The following NCEH1 variants were observed in gnomAD, a reference collection of about 807,000 sequenced individuals.
NCEH1 encodes 2-acetyl MAGE hydrolase.
NCEH1 carries 9 observed loss-of-function variants against 25.4 expected under a neutral mutation model. The observed-to-expected ratio is 0.35, with a 90% confidence interval of 0.21 to 0.62. The LOEUF (loss-of-function observed/expected upper bound fraction) is 0.62, where lower values mean the gene tolerates loss of function less well. Among genes scored for constraint, NCEH1 ranks in the 20% least tolerant of loss-of-function variants. The probability of loss-of-function intolerance (pLI) is 0.72; values close to 1 mark genes in which losing one functional copy is unlikely to be tolerated. For synonymous variants in NCEH1, 200 were observed against 199.8 expected, an observed-to-expected ratio of 1.00 and a Z score of -0.01; for missense variants, 412 against 501.1, an observed-to-expected ratio of 0.82 and a Z score of 1.70.
chr3:172,709,210 C>G (rs1376012045), intron 1 of NCEH1, among the ~76,000 whole-genome samples: 1 of 152,208 alleles, frequency 6.6e-6, no homozygotes, highest in Non-Finnish European at 1.5e-5. Flanking sequence ...CCTAGCTTGT[C>G]CGAGATTAAC....
intron 1 of NCEH1, among the ~76,000 whole-genome samples, chr3:172,704,530 T>C (rs1328455678): frequency 6.6e-6 from 1 of 152,206 alleles, no homozygotes. Context: ...GCTTCTCAAG[T>C]TTAGGTTTCT....
At chr3:172,679,870 A>G (rs1426272900) in intron 1 of NCEH1, among the ~76,000 whole-genome samples, 1 of 152,080 alleles carries the variant, frequency 6.6e-6, no homozygotes, top group African/African-American at 2.4e-5. Flanking sequence ...CCACCTTTGC[A>G]TTTTACAGGG....
chr3:172,703,998 C>T (rs1015428137), intron 1 of NCEH1, among the ~76,000 whole-genome samples: 2 of 152,196 alleles, frequency 1.3e-5, no homozygotes, highest in Non-Finnish European at 2.9e-5. Context: ...TGAAGAAATA[C>T]GCATCATCAT....
intron 2 of NCEH1, among the ~76,000 whole-genome samples, chr3:172,646,552 CTTAG>C (rs1475861261): frequency 2.0e-5 from 3 of 152,080 alleles, no homozygotes; most frequent in Non-Finnish European, 4.4e-5. Context: ...GAATTTAATT[CTTAG>C]TTACTCTCAG....
At chr3:172,690,284 G>A (rs1220968588) in intron 1 of NCEH1, among the ~76,000 whole-genome samples, 2 of 152,126 alleles carry the variant, frequency 1.3e-5, no homozygotes, top group African/African-American at 4.8e-5. Flanking sequence ...TCTTTCCCCA[G>A]AATAGTGCTG....
intron 3 of NCEH1, among the ~76,000 whole-genome samples, chr3:172,636,512 T>C (rs1716603646): frequency 1.3e-5 from 2 of 152,226 alleles, no homozygotes; most frequent in African/African-American, 4.8e-5. Context: ...GATTAACCAC[T>C]TCATTGATCT....
At chr3:172,672,823 A>C (rs1347414220) in intron 1 of NCEH1, among the ~76,000 whole-genome samples, 3 of 152,142 alleles carry the variant, frequency 2.0e-5, no homozygotes, top group Non-Finnish European at 4.4e-5. Context: ...AGGGTATTTT[A>C]AAGAGGAATG....
rs61744197 is a variant in NCEH1, at chr3:172,633,580, C to G, written c.1122G>C (p.Glu374Asp). The stretch of plus-strand genomic sequence containing the variant: ...AAATCATACATCCGTGAAAGCCATC[C>G]TCAAAGTGATCCAGGGTCACCTCCA... ...AGVEVTLDHF[E>D]DGFHGCMIFT... The change falls in exon 5 of 5, where the codon GAG becomes GAC. Residue 374 changes from glutamate to aspartate, a missense_variant. Transcript: ENST00000475381. 2 of 1,614,002 alleles carry G rather than the reference C, an allele frequency of 1.2e-6. No individual in the cohort carries two copies. The highest frequency in any genetic ancestry group is 2.2e-5 in the South Asian group (2 of 91,080).
chr3:172,701,616 G>GTTTTTT (rs60219751), intron 1 of NCEH1, among the ~76,000 whole-genome samples: 9 of 110,724 alleles, frequency 8.1e-5, no homozygotes, highest in African/African-American at 1.5e-4. Context: ...TGCCCAGCTA[G>GTTTTTT]TTTTTTTTTT....
intron 1 of NCEH1, among the ~76,000 whole-genome samples, chr3:172,689,428 G>A (rs1337807081): frequency 1.3e-5 from 2 of 151,300 alleles, no homozygotes; most frequent in African/African-American, 4.9e-5. Flanking sequence ...TGTAGTTTTA[G>A]TAGAGACAGG....
rs1560214991 is a variant in NCEH1 at position 172,710,922 on chromosome 3, G to A, written c.63C>T (p.Ile21=). The A allele has an allele frequency of 5.6e-6, 9 of 1,614,108 alleles. No individual in the cohort carries two copies. Among genetic ancestry groups the A allele is most frequent in the Non-Finnish European group, 7.6e-6 (9 of 1,179,974 alleles). Residue 21 remains isoleucine, a synonymous_variant, in exon 1 of 5, where the codon ATC becomes ATT. Transcript: ENST00000475381. ...LVALAAYYVY[I]PLPGSVSDPW... is the part of the protein sequence containing the mutation. ...GGTCGGACACGGAGCCAGGCAGCGG[G>A]ATGTAGACGTAATAGGCGGCCAGCG...
At chr3:172,671,021 T>A (rs911384899) in intron 1 of NCEH1, among the ~76,000 whole-genome samples, 3 of 152,196 alleles carry the variant, frequency 2.0e-5, no homozygotes, top group African/African-American at 7.2e-5. Context: ...GACTGGATAT[T>A]GAAATAATCA....
At chr3:172,645,112 G>A (rs1052732604) in intron 3 of NCEH1, among the ~76,000 whole-genome samples, 6 of 152,006 alleles carry the variant, frequency 3.9e-5, no homozygotes, top group African/African-American at 1.5e-4. Context: ...ATTCTTCTTA[G>A]TTGCCCAGAA....
chr3:172,631,558 T>C lies in NCEH1; in HGVS notation c.*1917A>G, dbSNP rs1379524856. 6.6e-6 allele frequency: 1 copy of C among 152,594 alleles called. No individual in the cohort carries two copies. Among genetic ancestry groups the C allele is most frequent in the Non-Finnish European group, 1.5e-5 (1 of 68,036 alleles). 9.5% of individuals were successfully genotyped at this position (152,594 alleles called of 1,614,324 possible). ...AGGATCACATAATTCAGCTCTTTGA[T>C]TTTAGAGGGAGGAAAGACGAGGCCC... is the stretch of plus-strand genomic sequence containing the variant. On this transcript the variant is annotated 3_prime_UTR_variant, in exon 5 of 5. Coordinates refer to ENST00000475381, the MANE Select transcript of NCEH1 (RefSeq NM_020792.6).
chr3:172,650,812 G>GAAAAAAAAAA (rs768170518), intron 1 of NCEH1, among the ~76,000 whole-genome samples: 2 of 35,882 alleles, frequency 5.6e-5, no homozygotes, highest in Admixed American at 3.8e-4. Flanking sequence ...ACTCTGCCTC[G>GAAAAAAAAAA]AAAAAAAAAA....
chr3:172,645,684 A>G lies in NCEH1; in HGVS notation c.376T>C (p.Tyr126His). Residue 126 changes from tyrosine (Y) to histidine (H), a missense_variant, in exon 3 of 5, where the codon TAT becomes CAT. Around this residue, in one of 3 missense-constraint regions of NCEH1, gnomAD observed 178 missense variants for 189.2 expected, o/e 0.94. Transcript: ENST00000475381. ...GWALASAKIR[Y>H]YDELCTAMAE... ...ATTGCTGTACACAGCTCATCATAAT[A>G]CCTGATTTCTAAAAGACACAAAGGG... The G allele has an allele frequency of 6.3e-7, 1 of 1,587,358 alleles. No individual in the cohort carries two copies. The highest frequency in any genetic ancestry group is 1.2e-5 in the South Asian group (1 of 85,862).
chr3:172,696,925 A>G (rs979837512), intron 1 of NCEH1, among the ~76,000 whole-genome samples: 6 of 152,014 alleles, frequency 3.9e-5, no homozygotes, highest in African/African-American at 1.4e-4. Flanking sequence ...TGGGTAATAT[A>G]TATCTTTTTT....
chr3:172,634,463 GA>G (rs1445843207), intron 4 of NCEH1, among the ~76,000 whole-genome samples: 6 of 152,134 alleles, frequency 3.9e-5, no homozygotes, highest in South Asian at 2.1e-4. Flanking sequence ...TTCCTAGGGG[GA>G]AAAAAATTAG....
intron 1 of NCEH1, among the ~76,000 whole-genome samples, chr3:172,660,226 T>C (rs1717910803): frequency 1.3e-5 from 2 of 150,602 alleles, no homozygotes; most frequent in African/African-American, 4.9e-5. Context: ...ACATGCAGTG[T>C]TTGGTTTTCT....
Sources: gnomAD v4.1 joint callset for allele counts (sites outside exome capture counted in the v4.1 genomes callset) on GRCh38, gnomAD v4.1.1 for gene constraint, gnomAD v4.1.1 regional missense constraint, MANE v1.5 for transcripts, NCBI Gene and HGNC (gene_info 2026-07-23, HGNC 2026-07-21) for gene names.